The following CHD1L variants were observed in gnomAD, a reference collection of about 807,000 sequenced individuals.
CHD1L encodes ATP-dependent chromatin remodeler CHD1L.
A neutral mutation model predicts 115.9 loss-of-function variants in CHD1L; 118 were observed. That is an observed-to-expected ratio of 1.02 (90% CI 0.88 to 1.19). The LOEUF (loss-of-function observed/expected upper bound fraction) is 1.19. CHD1L is among the 50% of genes most tolerant of loss of function. CHD1L has a pLI of 0.00. For synonymous variants in CHD1L, 411 were observed against 387.1 expected (o/e 1.06, Z -0.72); for missense variants, 1,179 against 1,065.3 (o/e 1.11, Z -1.49).
At chr1:147,231,732 G>T in the CHD1L span, among the ~76,000 whole-genome samples, 13,381 of 152,148 alleles carry the variant, frequency 0.088, 1,104 homozygotes, top group East Asian at 0.42. Flanking sequence ...CTCGGAGCCA[G>T]GCATGGGATA....
intron 6 of CHD1L, among the ~76,000 whole-genome samples, chr1:147,262,056 C>T (rs980750083): frequency 4.0e-5 from 6 of 151,684 alleles, no homozygotes; most frequent in African/African-American, 1.2e-4. Context: ...ATTAGCTGGG[C>T]ATGGTGGTGG....
chr1:147,247,107 T>G (rs1666871850), intron 1 of CHD1L, among the ~76,000 whole-genome samples: 1 of 152,222 alleles, frequency 6.6e-6, no homozygotes, highest in African/African-American at 2.4e-5. Context: ...TTGTCTAGTT[T>G]CCAAGTGTTG....
chr1:147,254,857 T>A lies in CHD1L; in HGVS notation c.241-13T>A. On this transcript the variant is annotated splice_polypyrimidine_tract_variant and intron_variant, in intron 2 of 22. Coordinates refer to ENST00000369258, the MANE Select transcript of CHD1L (RefSeq NM_004284.6). ...AATGTGATCAAAACTGCCTTTCTTT[T>A]TCTGTGTTCCAGACTATTGCTCTCT... is the stretch of plus-strand genomic sequence containing the variant. 1 of 1,568,898 alleles carries A rather than the reference T, an allele frequency of 6.4e-7. No individual in the cohort carries two copies. Among genetic ancestry groups the A allele is most frequent in the South Asian group, 1.2e-5 (1 of 83,764 alleles).
upstream of CHD1L, among the ~76,000 whole-genome samples, chr1:147,242,172 T>C (rs1262054204): frequency 6.6e-6 from 1 of 152,122 alleles, no homozygotes; most frequent in Non-Finnish European, 1.5e-5. Context: ...TGATTTTAAT[T>C]TACTACTATT....
the CHD1L span, among the ~76,000 whole-genome samples, chr1:147,230,411 A>G: frequency 1.2e-5 from 1 of 83,974 alleles, no homozygotes; most frequent in Non-Finnish European, 2.0e-5. Flanking sequence ...TCAGTTTGCC[A>G]GTATTTTATT....
chr1:147,290,537 G>T (rs1190888168), intron 19 of CHD1L, among the ~76,000 whole-genome samples: 1 of 152,208 alleles, frequency 6.6e-6, no homozygotes, highest in Non-Finnish European at 1.5e-5. Flanking sequence ...ATGTAAGCTT[G>T]CCAGGGCCCT....
upstream of CHD1L, among the ~76,000 whole-genome samples, chr1:147,242,054 T>A (rs1664957979): frequency 6.6e-6 from 1 of 152,190 alleles, no homozygotes; most frequent in Non-Finnish European, 1.5e-5. Flanking sequence ...ACATCATAAA[T>A]CCACTCAAAG....
In CHD1L at chr1:147,295,633, G is replaced by A; in HGVS notation, c.*124G>A. 2.8e-6 allele frequency: 2 copies of A among 712,978 alleles called. No individual in the cohort carries two copies. The highest frequency in any genetic ancestry group is 4.5e-6 in the Non-Finnish European group (2 of 447,204). 44.2% of individuals were successfully genotyped at this position (712,978 alleles called of 1,614,324 possible). A position where few individuals can be genotyped will look rare whatever the true frequency, so the allele number is the denominator to read the frequency against. On this transcript the variant is annotated 3_prime_UTR_variant, in exon 23 of 23. Coordinates refer to ENST00000369258, the MANE Select transcript of CHD1L (RefSeq NM_004284.6). ...GCCTCAGAAATTGTCTCTTTTCTGA[G>A]TTTCAGTTTGGTTCTCCTGGATGTT...
chr1:147,185,849 T>C, the CHD1L span, among the ~76,000 whole-genome samples: 4 of 152,338 alleles, frequency 2.6e-5, no homozygotes, highest in East Asian at 5.8e-4. Context: ...CACTGGGATG[T>C]AAACCCAAGT....
At chr1:147,275,506 A>G in intron 13 of CHD1L, 38 bp downstream of exon 13, 2 of 1,514,260 alleles carry the variant, frequency 1.3e-6, no homozygotes, top group Non-Finnish European at 1.8e-6. Flanking sequence ...CTTGCCCAGC[A>G]GCAGTTCTGG....
At chr1:147,184,976 A>G in the CHD1L span, among the ~76,000 whole-genome samples, 1 of 131,202 alleles carries the variant, frequency 7.6e-6, no homozygotes, top group Non-Finnish European at 1.8e-5. The surrounding 1 kb of genome is among the most constrained non-coding windows in gnomAD (Gnocchi z 4.4). Context: ...CACTACAAGA[A>G]TATATATATA....
chr1:147,198,800 G>A, the CHD1L span, among the ~76,000 whole-genome samples: 5,434 of 139,900 alleles, frequency 0.039, 138 homozygotes, highest in South Asian at 0.099. Flanking sequence ...GCAGTGGGCC[G>A]AGATAGCGCC....
chr1:147,270,797 A>T, intron 10 of CHD1L, 135 bp from the exon 11 acceptor site: 1 of 698,992 alleles, frequency 1.4e-6, no homozygotes, highest in Non-Finnish European at 2.4e-6. Context: ...GAGGCAGTCT[A>T]TAAATCATAC....
chr1:147,236,129 G>A, the CHD1L span, among the ~76,000 whole-genome samples: 1 of 152,318 alleles, frequency 6.6e-6, no homozygotes, highest in African/African-American at 2.4e-5. Context: ...GACTCCCTGT[G>A]AGGCTCCAGC....
chr1:147,208,940 A>C, the CHD1L span: 1 of 1,614,090 alleles, frequency 6.2e-7, no homozygotes, highest in Non-Finnish European at 8.5e-7. Flanking sequence ...GATTGGCCAC[A>C]GATCTTCCAT....
At chr1:147,190,533 A>T in the CHD1L span, among the ~76,000 whole-genome samples, 1 of 152,156 alleles carries the variant, frequency 6.6e-6, no homozygotes, top group South Asian at 2.1e-4. Flanking sequence ...TGGGAAATGA[A>T]ATATGGACAT....
At chr1:147,237,490 C>T in the CHD1L span, among the ~76,000 whole-genome samples, 1 of 152,156 alleles carries the variant, frequency 6.6e-6, no homozygotes, top group Non-Finnish European at 1.5e-5. Context: ...AGGTCTGCAG[C>T]TGCAGCTGGG....
chr1:147,194,541 T>C, the CHD1L span, among the ~76,000 whole-genome samples: 1 of 152,098 alleles, frequency 6.6e-6, no homozygotes, highest in Non-Finnish European at 1.5e-5. Flanking sequence ...TGAATTTGGT[T>C]CTGTGATTAT....
the CHD1L span, among the ~76,000 whole-genome samples, chr1:147,229,343 G>A: frequency 3.3e-5 from 5 of 152,092 alleles, no homozygotes; most frequent in East Asian, 7.7e-4. Flanking sequence ...ATTTCTGAGG[G>A]CTCTGTTCTG....
Sources: allele counts gnomAD v4.1 joint callset (sites outside exome capture counted in the v4.1 genomes callset), GRCh38; gene constraint gnomAD v4.1.1; non-coding constraint Gnocchi (gnomAD v3.1); transcripts MANE v1.5; gene names NCBI Gene and HGNC (gene_info 2026-07-23, HGNC 2026-07-21).